Variants in SLIT2 observed in about 807,000 individuals in gnomAD.
SLIT2 encodes the protein slit homolog 2 protein.
Under a neutral mutation model 185.7 loss-of-function variants are expected in SLIT2, and 41 were observed. That is an observed-to-expected ratio of 0.22 (90% confidence interval 0.17 to 0.29). SLIT2 has a LOEUF of 0.29. SLIT2 is among the 10% of genes least tolerant of loss of function. The pLI, the probability that SLIT2 is intolerant of heterozygous loss-of-function variation, is 1.00. For missense variants in SLIT2, 1,571 were observed against 1,909.0 expected (o/e 0.82, Z 3.30); for synonymous variants, 693 against 680.2 (o/e 1.02, Z -0.29).
chr4:20,604,580 C>T (rs1035634962), intron 33 of SLIT2, among the ~76,000 whole-genome samples: 2 of 152,110 alleles, frequency 1.3e-5, no homozygotes, highest in African/African-American at 4.8e-5. Context: ...ATTTCCTGAC[C>T]TTGTGATCCG....
At chr4:20,568,093 G>A (rs913515480) in intron 28 of SLIT2, among the ~76,000 whole-genome samples, 4 of 152,050 alleles carry the variant, frequency 2.6e-5, no homozygotes, top group African/African-American at 9.7e-5. Context: ...TTTTAATCTG[G>A]AGTTATTTAA....
intron 26 of SLIT2, among the ~76,000 whole-genome samples, chr4:20,560,101 A>G (rs1724580568): frequency 6.6e-6 from 1 of 151,980 alleles, no homozygotes; most frequent in South Asian, 2.1e-4. Flanking sequence ...TGAGGTTTAC[A>G]TATTTTAACT....
rs112930706 is a variant in SLIT2, at chr4:20,292,164, T to C, written c.395+23283T>C. Among the ~76,000 whole-genome samples, 6 of 152,186 alleles carry C rather than the reference T, an allele frequency of 3.9e-5. No homozygotes were observed. The East Asian group carries it at 5.8e-4, about 15-fold the overall frequency. ...TGATGAATTCTCTTTTCCCCATTCA[T>C]TGGCTTTCTCTAAATTGTAGATCTA... On this transcript the variant is annotated intron_variant, in intron 4 of 36. Transcript: ENST00000504154.
Position 20,438,990 on chromosome 4 carries a change from C to T in SLIT2, c.396-28762C>T, listed in dbSNP as rs138582740. On this transcript the variant is annotated intron_variant, in intron 4 of 36. Transcript: ENST00000504154. ...ACATACTATATTGTTTACTTATCTG[C>T]TGTTGTCTCTCTTCTCTCATTAGAA... 2.6e-3 allele frequency among the ~76,000 whole-genome samples: 403 copies of T among 152,266 alleles called. 1 individual carries two copies. The highest frequency in any genetic ancestry group is 7.9e-3 in the African/African-American group (327 of 41,544).
chr4:20,552,303 C>T (rs529395852), intron 25 of SLIT2: 1 of 151,980 alleles, frequency 6.6e-6, no homozygotes, highest in East Asian at 1.9e-4. Flanking sequence ...CCAGCCTCCT[C>T]CCGCAACAGT....
At position 20,314,258 on chromosome 4, in the gene SLIT2, C is replaced by T. The variant is rs79468151; in HGVS notation, c.395+45377C>T. Among the ~76,000 whole-genome samples the T allele has an allele frequency of 0.011, 1,635 of 152,128 alleles. 70 individuals carry two copies. The East Asian group carries it at 0.13, about 12-fold the overall frequency. On this transcript the variant is annotated intron_variant, in intron 4 of 36. Transcript: ENST00000504154. ...TGTGAAATATAAACAATTAATGAAA[C>T]GAGATAATGTTAAGATCTGATAAGG...
chr4:20,568,769 T>C, intron 28 of SLIT2, 96 bp from the exon 29 acceptor site: 1 of 1,082,550 alleles, frequency 9.2e-7, no homozygotes. Context: ...AGCTCTATGG[T>C]TGATGAGTGT....
chr4:20,571,104 T>C (rs982680138), intron 29 of SLIT2, among the ~76,000 whole-genome samples: 23 of 152,082 alleles, frequency 1.5e-4, no homozygotes, highest in African/African-American at 5.3e-4. Context: ...AAACATATCA[T>C]AAATACCTAA....
intron 4 of SLIT2, among the ~76,000 whole-genome samples, chr4:20,365,476 A>C (rs765036194): frequency 1.5e-4 from 23 of 152,114 alleles, no homozygotes; most frequent in Non-Finnish European, 3.4e-4. Flanking sequence ...GGCAAGCAAA[A>C]AAGAGATGTG....
At chr4:20,472,345 T>C (rs1422230601) in intron 5 of SLIT2, among the ~76,000 whole-genome samples, 1 of 54,512 alleles carries the variant, frequency 1.8e-5, no homozygotes, top group African/African-American at 7.1e-5. Flanking sequence ...GATCTATATA[T>C]AGATATAGAT....
intron 4 of SLIT2, among the ~76,000 whole-genome samples, chr4:20,467,197 T>C (rs1511828): frequency 6.6e-6 from 1 of 151,958 alleles, no homozygotes; most frequent in African/African-American, 2.4e-5. Context: ...ATTAATATTT[T>C]ATGCATAAAC....
At chr4:20,588,645 C>T (rs1253741218) in intron 29 of SLIT2, among the ~76,000 whole-genome samples, 1 of 152,096 alleles carries the variant, frequency 6.6e-6, no homozygotes, top group Non-Finnish European at 1.5e-5. Context: ...GAATACCTTT[C>T]CAGTCACCTT....
intron 29 of SLIT2, among the ~76,000 whole-genome samples, chr4:20,570,890 C>G (rs61790680): frequency 0.1 from 15,752 of 151,494 alleles, 1,098 homozygotes; most frequent in Non-Finnish European, 0.15. Flanking sequence ...CCTGCTTTGA[C>G]TTTAGATTTG....
chr4:20,275,639 A>T (rs1577354796), intron 4 of SLIT2, among the ~76,000 whole-genome samples: 1 of 152,186 alleles, frequency 6.6e-6, no homozygotes, highest in Non-Finnish European at 1.5e-5. Flanking sequence ...GCAAATTGAC[A>T]TAAAATGTGC....
chr4:20,434,830 T>C (rs761479992), intron 4 of SLIT2, among the ~76,000 whole-genome samples: 1 of 152,164 alleles, frequency 6.6e-6, no homozygotes, highest in Non-Finnish European at 1.5e-5. Flanking sequence ...GGAGTGATGG[T>C]TGAAATGCAA....
rs545655667 is a variant in SLIT2, at chr4:20,491,747, T to A, written c.776-14T>A. 1.6e-5 allele frequency: 26 copies of A among 1,605,478 alleles called. No individual in the cohort carries two copies. In the African/African-American group the frequency reaches 2.9e-4, roughly 18 times the overall value. ...CAGGAGGAAAAATATAATTCCTGTT[T>A]ATTTCTTTTTTAGGTCACCAGTCAT... On this transcript the variant is annotated splice_polypyrimidine_tract_variant and intron_variant, in intron 8 of 36. Coordinates refer to ENST00000504154, the MANE Select transcript of SLIT2 (RefSeq NM_004787.4).
At chr4:20,483,634 A>G (rs1716923984) in intron 6 of SLIT2, among the ~76,000 whole-genome samples, 1 of 152,028 alleles carries the variant, frequency 6.6e-6, no homozygotes, top group Non-Finnish European at 1.5e-5. Context: ...CTGCCAAACG[A>G]TATGCATGGT....
intron 4 of SLIT2, chr4:20,364,333 A>G (rs1722951279): frequency 1.3e-5 from 12 of 948,578 alleles, no homozygotes; most frequent in Non-Finnish European, 1.5e-5. Context: ...AAGGGCCTGC[A>G]TTTCAGGATA....
intron 4 of SLIT2, among the ~76,000 whole-genome samples, chr4:20,367,513 A>T (rs1342021446): frequency 6.6e-6 from 1 of 152,164 alleles, no homozygotes; most frequent in Admixed American, 6.6e-5. Context: ...GAGACATTTG[A>T]TATATTTTTA....
Sources: gnomAD v4.1 joint callset for allele counts (sites outside exome capture counted in the v4.1 genomes callset) on GRCh38, gnomAD v4.1.1 for gene constraint, MANE v1.5 for transcripts, NCBI Gene and HGNC (gene_info 2026-07-23, HGNC 2026-07-21) for gene names.